The following CARD14 variants were observed in gnomAD, a reference collection of about 807,000 sequenced individuals.
CARD14 encodes the protein caspase recruitment domain family member 14.
In CARD14, 107 loss-of-function variants were observed where a neutral mutation model predicts 111.5. The observed-to-expected ratio is 0.96, with a 90% CI of 0.82 to 1.13. The LOEUF (loss-of-function observed/expected upper bound fraction) is 1.13. CARD14 is among the 50% of genes most tolerant of loss of function. The pLI is 0.00. For missense variants in CARD14, 1,322 were observed against 1,362.3 expected, an observed-to-expected ratio of 0.97 and a Z score of 0.47; for synonymous variants, 617 against 579.6, an observed-to-expected ratio of 1.06 and a Z score of -0.93.
Position 80,184,032 on chromosome 17 carries a change from C to A in CARD14, c.469C>A (p.Gln157Lys). Residue 157 changes from glutamine to lysine, a missense_variant, in exon 7 of 24, where the codon CAG (glutamine) becomes AAG (lysine). Physicochemically the swap from Gln to Lys is moderately conservative, Grantham distance 53. Transcript: ENST00000648509. ...EVLLRRCQQL[Q>K]EHLGLAETRA... is the part of the protein sequence containing the mutation. Reference sequence around the variant, plus strand: ...GCTGCTGCGGCGGTGCCAGCAGCTGCAGGAGCACCTGGGCCTGGCCGAGAC... The same window carrying A: ...GCTGCTGCGGCGGTGCCAGCAGCTGAAGGAGCACCTGGGCCTGGCCGAGAC... The A allele has an allele frequency of 6.3e-7, 1 of 1,587,016 alleles. No homozygotes were observed.
In CARD14 at chr17:80,189,782, G is replaced by GA. The variant is rs762830707; in HGVS notation, c.873_874insA (p.Asp292ArgfsTer46). 1.3e-6 allele frequency: 2 copies of GA among 1,587,152 alleles called. No individual in the cohort carries two copies. The highest frequency in any genetic ancestry group is 1.7e-6 in the Non-Finnish European group (2 of 1,170,430). On this transcript the variant is annotated frameshift_variant, in exon 9 of 24. Transcript: ENST00000648509. LOFTEE classifies it high-confidence loss of function. The surrounding 1 kb of genome is among the most constrained non-coding windows in gnomAD (Gnocchi z 4.7). ...AGAAGGACATTCTGGAGCAGAGCCT[G>GA]GACGAGGCGCGGGGGAGCCGACAGG...
At chr17:80,173,399 T>C (rs939734196) in intron 2 of CARD14, among the ~76,000 whole-genome samples, 171 bp downstream of exon 2, 5 of 151,900 alleles carry the variant, frequency 3.3e-5, no homozygotes, top group South Asian at 2.1e-4. Context: ...GGCACATAGA[T>C]TGAGGGACTC....
chr17:80,193,945 A>G (rs1310415662), intron 12 of CARD14, among the ~76,000 whole-genome samples: 1 of 152,112 alleles, frequency 6.6e-6, no homozygotes, highest in African/African-American at 2.4e-5. Context: ...AAGGGACCTC[A>G]GGTGCTCAGA....
At chr17:80,170,921 A>G (rs1276055928) in intron 1 of CARD14, among the ~76,000 whole-genome samples, 1 of 146,272 alleles carries the variant, frequency 6.8e-6, no homozygotes, top group Non-Finnish European at 1.5e-5. Flanking sequence ...GCTCACTGCA[A>G]TTTCTGCCTC....
intron 6 of CARD14, among the ~76,000 whole-genome samples, chr17:80,183,493 G>A (rs940226758): frequency 2.0e-5 from 3 of 152,220 alleles, no homozygotes; most frequent in Admixed American, 6.5e-5. Context: ...CTACCGAGGA[G>A]GGTCATTAAG....
At chr17:80,170,912 C>T (rs2039882394) in intron 1 of CARD14, among the ~76,000 whole-genome samples, 1 of 149,472 alleles carries the variant, frequency 6.7e-6, no homozygotes, top group Non-Finnish European at 1.5e-5. Flanking sequence ...ACAATCTCGG[C>T]TCACTGCAAT....
chr17:80,202,805 C>T lies in CARD14; in HGVS notation c.2219+385C>T, dbSNP rs371728157. 121 of 249,722 alleles carry T rather than the reference C, an allele frequency of 4.8e-4. 2 individuals carry two copies. The South Asian group carries it at 7.3e-3, about 15-fold the overall frequency. The allele number at this position is 249,722 out of a possible 1,614,324, so 15.5% of individuals were successfully genotyped here. On this transcript the variant is annotated intron_variant, in intron 18 of 23. Transcript: ENST00000648509. The stretch of plus-strand genomic sequence containing the variant: ...TACTCCCATGCCCCAGCTGTGACAA[C>T]CAGAAATGTCTCTATAGGTTGCCAA...
rs753859758 is a variant in CARD14 at position 80,182,729 on chromosome 17, C to T, written c.288C>T (p.Asn96=). ...TCCTGGAGAGCCTGAAGTTCCACAA[C>T]CCTGACGTCTACACCCTGGTCACCG... ...IAFLESLKFH[N]PDVYTLVTGL... The change falls in exon 6 of 24, where the codon AAC becomes AAT. Residue 96 remains asparagine, a synonymous_variant. Transcript: ENST00000648509. The surrounding 1 kb of genome is among the most constrained non-coding windows in gnomAD (Gnocchi z 4.7). 13 of 1,614,058 alleles carry T rather than the reference C, an allele frequency of 8.1e-6. No homozygotes were observed. In the Admixed American group the frequency reaches 2.2e-4, roughly 27 times the overall value.
In CARD14 at chr17:80,189,029, G is replaced by A. The variant is rs567373179; in HGVS notation, c.843+485G>A. On this transcript the variant is annotated intron_variant, in intron 8 of 23. Coordinates refer to ENST00000648509, the MANE Select transcript of CARD14 (RefSeq NM_001366385.1). This position sits in a 1 kb window ranked among gnomAD's most constrained non-coding sequence, Gnocchi z 4.7. ...TCACGCCACTGCACTCCAGCCTGGC[G>A]ACAGAGGGAGACCCTGTCTCAAACA... Among the ~76,000 whole-genome samples, 10 of 152,162 alleles carry A rather than the reference G, an allele frequency of 6.6e-5. No homozygotes were observed. Among genetic ancestry groups the A allele is most frequent in the African/African-American group, 2.2e-4 (9 of 41,432 alleles).
At chr17:80,175,273 C>T (rs1415128502) in intron 2 of CARD14, among the ~76,000 whole-genome samples, 4 of 152,160 alleles carry the variant, frequency 2.6e-5, no homozygotes, top group Admixed American at 6.5e-5. Flanking sequence ...CCACCATGCC[C>T]GGCCTGCTAT....
rs984646773 is a variant in CARD14 at position 80,208,336 on chromosome 17, C to A, written c.3006C>A (p.Ser1002Arg). The change falls in exon 24 of 24, where the codon AGC becomes AGA. Residue 1002 changes from serine to arginine, a missense_variant. Ser to Arg is a moderately radical substitution (Grantham distance 110, BLOSUM62 -1). Transcript: ENST00000648509. ...AGAAGGTGGTGTGGACGGAGCAGAGCCCCCGATGATGCACCGTGCCCCTTC... is the reference window on the plus strand; with the variant it reads ...AGAAGGTGGTGTGGACGGAGCAGAGACCCCGATGATGCACCGTGCCCCTTC... ...EQKKVVWTEQ[S>R]PR 1.3e-5 allele frequency: 21 copies of A among 1,595,492 alleles called. No individual in the cohort carries two copies. The Admixed American group carries it at 2.1e-4, about 16-fold the overall frequency.
rs2040672145 is a variant in CARD14 at position 80,195,321 on chromosome 17, C to G, written c.1487C>G (p.Pro496Arg). 3.1e-6 allele frequency: 5 copies of G among 1,611,748 alleles called. No homozygotes were observed. Among genetic ancestry groups the G allele is most frequent in the East Asian group, 2.2e-5 (1 of 44,858 alleles). Reference protein sequence around the residue: ...KRVAEDFGEEPWSFSSCLEIP... With the variant: ...KRVAEDFGEERWSFSSCLEIP... ...GTGGCCGAGGACTTCGGGGAAGAACCCTGGTCTTTCAGGTAGAGCACTGGG... is the reference window on the plus strand; with the variant it reads ...GTGGCCGAGGACTTCGGGGAAGAACGCTGGTCTTTCAGGTAGAGCACTGGG... The change falls in exon 13 of 24, where the codon CCC becomes CGC. Residue 496 changes from proline (P) to arginine (R), a missense_variant. Pro to Arg is a moderately radical substitution (Grantham distance 103). Transcript: ENST00000648509. The surrounding 1 kb of genome is among the most constrained non-coding windows in gnomAD (Gnocchi z 4.7).
rs1008444664 is a variant in CARD14 at position 80,195,466 on chromosome 17, G to A, written c.1500-92G>A. The A allele has an allele frequency of 2.7e-6, 4 of 1,498,036 alleles. No homozygotes were observed. The highest frequency in any genetic ancestry group is 2.4e-5 in the East Asian group (1 of 42,240). 92.8% of individuals were successfully genotyped at this position (1,498,036 alleles called of 1,614,324 possible). A position where few individuals can be genotyped will look rare whatever the true frequency, so the allele number is the denominator to read the frequency against. On this transcript the variant is annotated intron_variant, in intron 13 of 23. Coordinates refer to ENST00000648509, the MANE Select transcript of CARD14 (RefSeq NM_001366385.1). The surrounding 1 kb of genome is among the most constrained non-coding windows in gnomAD (Gnocchi z 4.7). ...CAGCTCCTGCCCTCGAAGCCCCAGA[G>A]CTGGCAGGTGCTGGGGGCCAGTGCT...
At chr17:80,175,234 T>C (rs1360925951) in intron 2 of CARD14, among the ~76,000 whole-genome samples, 1 of 152,084 alleles carries the variant, frequency 6.6e-6, no homozygotes, top group Non-Finnish European at 1.5e-5. Context: ...TGCCTCAGCC[T>C]CCCAAAGTTC....
Position 80,184,250 on chromosome 17 carries a change from C to A in CARD14, c.675+12C>A, listed in dbSNP as rs1460893004. 1.3e-6 allele frequency: 2 copies of A among 1,500,106 alleles called. No homozygotes were observed. The highest frequency in any genetic ancestry group is 2.1e-5 in the Admixed American group (1 of 47,690). 92.9% of individuals were successfully genotyped at this position (1,500,106 alleles called of 1,614,324 possible). On this transcript the variant is annotated intron_variant, in intron 7 of 23. Transcript: ENST00000648509. ...GCCTGCAGGAGGAGGTAGGGGGACA[C>A]CCTGCACCCCGGCGCGACCCTGCTG...
chr17:80,184,664 G>A (rs2144194207), intron 7 of CARD14, among the ~76,000 whole-genome samples: 1 of 151,168 alleles, frequency 6.6e-6, no homozygotes, highest in Non-Finnish European at 1.5e-5. Context: ...AGGCGGGATA[G>A]TTGGTCTCTG....
chr17:80,195,372 T>C lies in CARD14; in HGVS notation c.1499+39T>C. On this transcript the variant is annotated intron_variant, in intron 13 of 23. Transcript: ENST00000648509. The surrounding 1 kb of genome is among the most constrained non-coding windows in gnomAD (Gnocchi z 4.7). The stretch of plus-strand genomic sequence containing the variant: ...GTCCTTCCTGGCACTGGGGTGGCAC[T>C]GGGGTCCTTCCTGGCAACTCACCAG... 6 of 1,585,266 alleles carry C rather than the reference T, an allele frequency of 3.8e-6. No homozygotes were observed. Among genetic ancestry groups the C allele is most frequent in the Non-Finnish European group, 5.2e-6 (6 of 1,161,432 alleles).
At chr17:80,174,364 C>A (rs2039975503) in intron 2 of CARD14, among the ~76,000 whole-genome samples, 1 of 152,130 alleles carries the variant, frequency 6.6e-6, no homozygotes, top group Non-Finnish European at 1.5e-5. Context: ...AGGCATGTAC[C>A]ACCACACCCA....
At chr17:80,181,358 C>G in intron 4 of CARD14, 61 bp from the exon 5 acceptor site, 1 of 1,295,470 alleles carries the variant, frequency 7.7e-7, no homozygotes. Context: ...AACGGTGTCA[C>G]CCTGGCTATC....
Sources: gnomAD v4.1 joint callset for allele counts (sites outside exome capture counted in the v4.1 genomes callset) on GRCh38, gnomAD v4.1.1 for gene constraint, Gnocchi (gnomAD v3.1) non-coding constraint, MANE v1.5 for transcripts, NCBI Gene and HGNC (gene_info 2026-07-23, HGNC 2026-07-21) for gene names.